Variants in SLCO3A1 observed in about 807,000 individuals in gnomAD.
SLCO3A1 encodes PGE1 transporter.
Under a neutral mutation model 63.1 loss-of-function variants are expected in SLCO3A1, and 27 were observed. The observed-to-expected ratio is 0.43, with a 90% confidence interval of 0.32 to 0.59. SLCO3A1 has a LOEUF of 0.59. Among genes scored for constraint, SLCO3A1 ranks in the 20% least tolerant of loss-of-function variants. The pLI, the probability that SLCO3A1 is intolerant of heterozygous loss-of-function variation, is 0.09. For missense variants in SLCO3A1, 773 were observed against 945.8 expected (o/e 0.82, Z 2.40); for synonymous variants, 473 against 409.9 (o/e 1.15, Z -1.86).
At chr15:92,066,023 G>C (rs2047147278) in intron 2 of SLCO3A1, among the ~76,000 whole-genome samples, 1 of 152,250 alleles carries the variant, frequency 6.6e-6, no homozygotes, top group Non-Finnish European at 1.5e-5. Flanking sequence ...ATTCACAAAG[G>C]TGAAACCACC....
At chr15:92,035,486 A>G (rs1189632329) in intron 2 of SLCO3A1, among the ~76,000 whole-genome samples, 1 of 151,748 alleles carries the variant, frequency 6.6e-6, no homozygotes, top group African/African-American at 2.4e-5. Context: ...GGGCAGATAG[A>G]GTGATCTAAG....
downstream of SLCO3A1, among the ~76,000 whole-genome samples, chr15:92,167,791 C>T (rs1271536231): frequency 2.6e-5 from 4 of 152,120 alleles, no homozygotes; most frequent in Admixed American, 1.3e-4. Flanking sequence ...AATGCTTGGT[C>T]GTCATGGCAG....
At chr15:91,867,249 T>C (rs1897187874) in intron 1 of SLCO3A1, among the ~76,000 whole-genome samples, 1 of 152,172 alleles carries the variant, frequency 6.6e-6, no homozygotes, top group Admixed American at 6.5e-5. Flanking sequence ...GGGACCTTCA[T>C]CCAGGGCATG....
chr15:92,114,460 G>T (rs926179948), intron 4 of SLCO3A1, among the ~76,000 whole-genome samples: 19 of 152,148 alleles, frequency 1.2e-4, no homozygotes, highest in African/African-American at 4.3e-4. Context: ...GAGATGAGAA[G>T]GACTCAGGCA....
intron 9 of SLCO3A1, among the ~76,000 whole-genome samples, chr15:92,157,473 C>T (rs568246582): frequency 7.3e-5 from 11 of 151,116 alleles, no homozygotes; most frequent in South Asian, 2.1e-4. Context: ...TCCTCTAAAA[C>T]TTATGATGAT....
intron 2 of SLCO3A1, among the ~76,000 whole-genome samples, chr15:91,995,452 G>A (rs1446665572): frequency 6.6e-6 from 1 of 152,178 alleles, no homozygotes; most frequent in Non-Finnish European, 1.5e-5. Flanking sequence ...AGTGTCATAG[G>A]AAGCTAATGG....
chr15:92,006,086 G>C (rs1221435025), intron 2 of SLCO3A1, among the ~76,000 whole-genome samples: 1 of 152,062 alleles, frequency 6.6e-6, no homozygotes, highest in Non-Finnish European at 1.5e-5. Context: ...TGGGCGTGCT[G>C]TTAGGTAATT....
chr15:92,014,525 C>A (rs2046404097), intron 2 of SLCO3A1, among the ~76,000 whole-genome samples: 1 of 152,106 alleles, frequency 6.6e-6, no homozygotes, highest in African/African-American at 2.4e-5. Flanking sequence ...AGCATTTAAA[C>A]ACTACTCAGA....
rs972299977 is a variant in SLCO3A1, at chr15:91,941,941, C to G, written c.646+25483C>G. ...GGCTACAAATGGGGGCTTGCACCAG[C>G]GTACTGGCTGAGGACTGCCTGCCTT... On this transcript the variant is annotated intron_variant, in intron 2 of 9. Transcript: ENST00000318445. The surrounding 1 kb of genome is among the most constrained non-coding windows in gnomAD (Gnocchi z 4.4). 6.6e-6 allele frequency among the ~76,000 whole-genome samples: 1 copy of G among 152,156 alleles called. No individual in the cohort carries two copies. The highest frequency in any genetic ancestry group is 6.5e-5 in the Admixed American group (1 of 15,280).
intron 2 of SLCO3A1, among the ~76,000 whole-genome samples, chr15:92,062,392 G>A (rs893304804): frequency 6.6e-6 from 1 of 152,180 alleles, no homozygotes; most frequent in African/African-American, 2.4e-5. Context: ...ATCATGCCAG[G>A]CAGGGAACTC....
intron 7 of SLCO3A1, among the ~76,000 whole-genome samples, chr15:92,131,326 C>T (rs1005639945): frequency 7.9e-5 from 12 of 151,330 alleles, no homozygotes; most frequent in Non-Finnish European, 1.8e-4. Context: ...CTGGCCCTGG[C>T]TGCCTCTCCA....
At position 92,053,017 on chromosome 15, in the gene SLCO3A1, G is replaced by C. The variant is rs145483116; in HGVS notation, c.647-41864G>C. On this transcript the variant is annotated intron_variant, in intron 2 of 9. Coordinates refer to ENST00000318445, the MANE Select transcript of SLCO3A1 (RefSeq NM_013272.4). ...CTCTAGAACTTTCCAAAATAAACTA[G>C]ATCCAGCCCTTTTATCTAACAGCCC... is the stretch of plus-strand genomic sequence containing the variant. Among the ~76,000 whole-genome samples, 4 of 152,236 alleles carry C rather than the reference G, an allele frequency of 2.6e-5. No individual in the cohort carries two copies. The East Asian group carries it at 7.7e-4, about 29-fold the overall frequency.
At chr15:92,152,032 G>T (rs2048311957) in intron 9 of SLCO3A1, among the ~76,000 whole-genome samples, 3 of 152,084 alleles carry the variant, frequency 2.0e-5, no homozygotes, top group Admixed American at 6.5e-5. Context: ...ACTTAGAAAG[G>T]GCATGTGATG....
At chr15:91,880,391 C>CTG (rs1248316415) in intron 1 of SLCO3A1, among the ~76,000 whole-genome samples, 29 of 74,494 alleles carry the variant, frequency 3.9e-4, no homozygotes, top group East Asian at 2.3e-3. Context: ...TTCTCTCTCT[C>CTG]TCTCTCTCTC....
intron 7 of SLCO3A1, among the ~76,000 whole-genome samples, chr15:92,130,906 A>C (rs1008882119): frequency 2.0e-5 from 3 of 151,494 alleles, no homozygotes; most frequent in African/African-American, 7.3e-5. Flanking sequence ...AAAAAAAAAA[A>C]AAACTCTTTG....
At chr15:91,923,464 C>T (rs930356735) in intron 2 of SLCO3A1, among the ~76,000 whole-genome samples, 4 of 152,178 alleles carry the variant, frequency 2.6e-5, no homozygotes, top group African/African-American at 9.7e-5. Flanking sequence ...TCTCAAAGTG[C>T]ATGAAGTGCT....
intron 2 of SLCO3A1, among the ~76,000 whole-genome samples, chr15:91,985,080 A>G (rs2046035308): frequency 6.6e-6 from 1 of 152,224 alleles, no homozygotes; most frequent in Non-Finnish European, 1.5e-5. Context: ...AAGGGATAGA[A>G]CATTCCCAAA....
intron 2 of SLCO3A1, among the ~76,000 whole-genome samples, chr15:92,075,738 C>A (rs1456844346): frequency 6.6e-6 from 1 of 152,162 alleles, no homozygotes; most frequent in Non-Finnish European, 1.5e-5. Flanking sequence ...TAGGAGTGAC[C>A]CTTTGGCACA....
chr15:92,127,651 A>T (rs770431595), intron 6 of SLCO3A1, among the ~76,000 whole-genome samples: 2 of 152,230 alleles, frequency 1.3e-5, no homozygotes, highest in African/African-American at 4.8e-5. Context: ...TTATAGAGCT[A>T]ATACACTCAC....
Sources: allele counts gnomAD v4.1 joint callset (sites outside exome capture counted in the v4.1 genomes callset), GRCh38; gene constraint gnomAD v4.1.1; non-coding constraint Gnocchi (gnomAD v3.1); transcripts MANE v1.5; gene names NCBI Gene and HGNC (gene_info 2026-07-23, HGNC 2026-07-21).